Variants in KALRN observed in about 807,000 individuals in gnomAD.
The protein encoded by KALRN is kalirin.
A neutral mutation model predicts 353.7 loss-of-function variants in KALRN; 70 were observed. The observed-to-expected ratio is 0.20, with a 90% CI of 0.16 to 0.24. The LOEUF is 0.24. Ranked by LOEUF, KALRN falls within the 10% of genes least tolerant of loss-of-function variation. The pLI, the probability that KALRN is intolerant of heterozygous loss-of-function variation, is 1.00. For missense variants in KALRN, 2,791 were observed against 3,756.7 expected, an observed-to-expected ratio of 0.74 and a Z score of 6.72; for synonymous variants, 1,391 against 1,434.8, an observed-to-expected ratio of 0.97 and a Z score of 0.69.
At chr3:124,168,825 T>G (rs1460353734) in intron 1 of KALRN, among the ~76,000 whole-genome samples, 1 of 151,920 alleles carries the variant, frequency 6.6e-6, no homozygotes, top group East Asian at 1.9e-4. Flanking sequence ...ACACTGGGAG[T>G]GATTTGGAAG....
chr3:124,508,685 G>A (rs1228779395), intron 33 of KALRN, among the ~76,000 whole-genome samples: 1 of 152,128 alleles, frequency 6.6e-6, no homozygotes, highest in East Asian at 1.9e-4. Flanking sequence ...AAAATTGTTA[G>A]GTGATAGGAT....
At chr3:124,599,111 T>TA (rs1176049139) in intron 34 of KALRN, among the ~76,000 whole-genome samples, 1 of 152,238 alleles carries the variant, frequency 6.6e-6, no homozygotes, top group Non-Finnish European at 1.5e-5. Flanking sequence ...AGAGTCTTGT[T>TA]ACTACCCCTC....
rs2093581581 is a variant in KALRN at position 124,439,152 on chromosome 3, T to TCTTTCTCTTTCTCC, written c.3198+117_3198+118insTTCTCTTTCTCCCT. 4.3e-6 allele frequency: 4 copies of TCTTTCTCTTTCTCC among 938,386 alleles called. No individual in the cohort carries two copies. The African/African-American group carries it at 6.8e-5, about 16-fold the overall frequency. The allele number at this position is 938,386 out of a possible 1,614,324, so 58.1% of individuals were successfully genotyped here. Reference sequence around the variant, plus strand: ...CTCTTTCTCTCTCTTTCTCTTTCTCTCTCTTTCTCTTTCTCCTCCTCCTCC... The same window carrying TCTTTCTCTTTCTCC: ...CTCTTTCTCTCTCTTTCTCTTTCTCTCTTTCTCTTTCTCCCTCTTTCTCTTTCTCCTCCTCCTCC... On this transcript the variant is annotated intron_variant, in intron 18 of 59. Transcript: ENST00000682506.
chr3:124,661,970 C>T, intron 45 of KALRN, 42 bp downstream of exon 45: 1 of 1,500,950 alleles, frequency 6.7e-7, no homozygotes, highest in Non-Finnish European at 9.3e-7. Context: ...CTCTCCAGGA[C>T]AATAGGAGTC....
chr3:124,625,702 A>G (rs1173971724), intron 34 of KALRN, among the ~76,000 whole-genome samples: 1 of 125,274 alleles, frequency 8.0e-6, no homozygotes, highest in Non-Finnish European at 1.6e-5. Context: ...ATATCTATTT[A>G]TCTCTATATC....
chr3:124,513,086 G>A (rs2066131635), intron 33 of KALRN, among the ~76,000 whole-genome samples: 1 of 152,132 alleles, frequency 6.6e-6, no homozygotes, highest in Non-Finnish European at 1.5e-5. Flanking sequence ...TTGCAGGACT[G>A]GCAGAGGTTG....
chr3:124,267,740 G>A (rs1282459303), intron 4 of KALRN, among the ~76,000 whole-genome samples: 2 of 152,216 alleles, frequency 1.3e-5, no homozygotes, highest in Admixed American at 1.3e-4. Context: ...GACACAGAGA[G>A]ATAAATTGCT....
chr3:124,251,367 T>TC (rs2071135677), intron 3 of KALRN, among the ~76,000 whole-genome samples: 1 of 126,196 alleles, frequency 7.9e-6, no homozygotes, highest in Non-Finnish European at 1.8e-5. Flanking sequence ...TTTTTTTTTT[T>TC]TTTCTTTTTT....
In KALRN at chr3:124,033,508, C is replaced by T. The variant is rs1434296424; in HGVS notation, c.-233C>T. On this transcript the variant is annotated 5_prime_UTR_variant, in exon 1 of 60. Transcript: ENST00000682506. This position sits in a 1 kb window ranked among gnomAD's most constrained non-coding sequence, Gnocchi z 6.2. ...CGGCCAGCGCCCTGGGGAAGGGGTACCATGGGGGAGCTGGCGGCAGGCACC... is the reference window on the plus strand; with the variant it reads ...CGGCCAGCGCCCTGGGGAAGGGGTATCATGGGGGAGCTGGCGGCAGGCACC... 6.6e-6 allele frequency among the ~76,000 whole-genome samples: 1 copy of T among 151,760 alleles called. No individual in the cohort carries two copies. The highest frequency in any genetic ancestry group is 1.5e-5 in the Non-Finnish European group (1 of 67,882).
chr3:124,584,626 C>A (rs778879513), intron 34 of KALRN: 70 of 1,407,338 alleles, frequency 5.0e-5, no homozygotes, highest in Non-Finnish European at 6.3e-5. Context: ...CCCTCCCTCC[C>A]CGCCTGGCCC....
chr3:124,282,747 G>A (rs910872202), intron 5 of KALRN, among the ~76,000 whole-genome samples: 1 of 152,196 alleles, frequency 6.6e-6, no homozygotes, highest in Non-Finnish European at 1.5e-5. Context: ...TGGCAGCCTT[G>A]AGGAGTGATG....
rs765767025 is a variant in KALRN at position 124,455,363 on chromosome 3, G to T, written c.3735+4G>T. ...AGCCCTAGGAGTCAACACAGAGGTA[G>T]GCAGGGGTATTGTCCTCTGGGACAT... On this transcript the variant is annotated splice_donor_region_variant and intron_variant, in intron 22 of 59. Coordinates refer to ENST00000682506, the MANE Select transcript of KALRN (RefSeq NM_001388419.1). The T allele has an allele frequency of 6.2e-7, 1 of 1,613,560 alleles. No homozygotes were observed. Among genetic ancestry groups the T allele is most frequent in the Non-Finnish European group, 8.5e-7 (1 of 1,179,620 alleles).
At chr3:124,198,091 A>G (rs995233190) in intron 1 of KALRN, among the ~76,000 whole-genome samples, 6 of 152,222 alleles carry the variant, frequency 3.9e-5, no homozygotes, top group African/African-American at 1.4e-4. Flanking sequence ...TTCTCTTTTT[A>G]GCTAGATTTC....
At chr3:124,331,781 C>T (rs2080589435) in intron 8 of KALRN, among the ~76,000 whole-genome samples, 1 of 152,022 alleles carries the variant, frequency 6.6e-6, no homozygotes, top group Non-Finnish European at 1.5e-5. Flanking sequence ...CACAATATTT[C>T]TCTCAATTAA....
intron 5 of KALRN, among the ~76,000 whole-genome samples, chr3:124,285,256 A>G (rs2075724239): frequency 6.6e-6 from 1 of 152,194 alleles, no homozygotes; most frequent in Admixed American, 6.5e-5. Context: ...TAGAAGGAGT[A>G]GTATATCCTT....
intron 34 of KALRN, among the ~76,000 whole-genome samples, chr3:124,587,349 A>T (rs1393465318): frequency 6.6e-6 from 1 of 152,236 alleles, no homozygotes; most frequent in African/African-American, 2.4e-5. Flanking sequence ...TGTGGTTCCC[A>T]AGGCAAGGGG....
chr3:124,094,503 G>A (rs549838263), intron 1 of KALRN, among the ~76,000 whole-genome samples: 21 of 152,256 alleles, frequency 1.4e-4, no homozygotes, highest in Non-Finnish European at 2.8e-4. Context: ...GGACTTGACT[G>A]TGGATTTTCA....
intron 45 of KALRN, 82 bp downstream of exon 45, chr3:124,662,010 C>T (rs750686019): frequency 2.7e-6 from 3 of 1,100,422 alleles, no homozygotes; most frequent in Middle Eastern, 2.4e-4. Flanking sequence ...CCCCCTGAAG[C>T]CTTGTGTCCT....
At chr3:124,478,876 G>A (rs2061680933) in intron 27 of KALRN, among the ~76,000 whole-genome samples, 1 of 152,100 alleles carries the variant, frequency 6.6e-6, no homozygotes, top group Non-Finnish European at 1.5e-5. Flanking sequence ...TCTCTGCCTA[G>A]GATAGATTGT....
Sources: gnomAD v4.1 joint callset for allele counts (sites outside exome capture counted in the v4.1 genomes callset) on GRCh38, gnomAD v4.1.1 for gene constraint, Gnocchi (gnomAD v3.1) non-coding constraint, MANE v1.5 for transcripts, NCBI Gene and HGNC (gene_info 2026-07-23, HGNC 2026-07-21) for gene names.